KANSL1L: variants seen among roughly 807,000 people sequenced by gnomAD.
The protein encoded by KANSL1L is KAT8 regulatory NSL complex subunit 1 like, also known as KAT8 regulatory NSL complex subunit 1-like protein.
KANSL1L carries 25 observed loss-of-function variants against 108.6 expected under a neutral mutation model. The ratio of observed to expected loss-of-function variants is 0.23; its 90% confidence interval spans 0.17 to 0.32. The LOEUF (loss-of-function observed/expected upper bound fraction) is 0.32. KANSL1L is among the 10% of genes least tolerant of loss of function. The pLI is 1.00. For synonymous variants in KANSL1L, 405 were observed against 395.1 expected (o/e 1.03, Z -0.30); for missense variants, 1,137 against 1,125.7 (o/e 1.01, Z -0.14).
rs538467539 is a variant in KANSL1L at position 210,113,632 on chromosome 2, T to C, written c.1231-9331A>G. On this transcript the variant is annotated intron_variant, in intron 3 of 14. Coordinates refer to ENST00000281772, the MANE Select transcript of KANSL1L (RefSeq NM_152519.4). Reference sequence around the variant, plus strand: ...TGGAAGATCTATTAGACAAAGACTTTAAAACAACTGTCTTAAAGATGCACA... The same window carrying C: ...TGGAAGATCTATTAGACAAAGACTTCAAAACAACTGTCTTAAAGATGCACA... 9.0e-4 allele frequency among the ~76,000 whole-genome samples: 137 copies of C among 152,120 alleles called. 5 individuals are homozygous for C. In the South Asian group the frequency reaches 0.027, roughly 30 times the overall value.
intron 5 of KANSL1L, 153 bp downstream of exon 5, chr2:210,097,933 C>A: frequency 2.3e-6 from 1 of 425,798 alleles, no homozygotes; most frequent in East Asian, 4.3e-5. Context: ...TTAATATTAT[C>A]AAAAAATGCA....
intron 8 of KANSL1L, chr2:210,033,005 G>GA (rs2094041423): frequency 6.6e-6 from 1 of 152,118 alleles, no homozygotes; most frequent in South Asian, 2.1e-4. Flanking sequence ...CTAAGAAACA[G>GA]AATGGACACA....
At chr2:210,081,964 A>C (rs962301084) in intron 5 of KANSL1L, among the ~76,000 whole-genome samples, 8 of 152,196 alleles carry the variant, frequency 5.3e-5, no homozygotes, top group African/African-American at 1.9e-4. Context: ...AGAGAATCTC[A>C]TTCTGTCTCC....
In KANSL1L at chr2:210,031,840, C is replaced by T. The variant is rs563626890; in HGVS notation, c.2030-294G>A. Among the ~76,000 whole-genome samples the T allele has an allele frequency of 3.9e-5, 6 of 152,054 alleles. No homozygotes were observed. The South Asian group carries it at 6.2e-4, about 16-fold the overall frequency. Reference sequence around the variant, plus strand: ...ATTGGCTCAGATATATAAATCTTGGCGATCAGAATCTTTAAGTTCTTGCTT... The same window carrying T: ...ATTGGCTCAGATATATAAATCTTGGTGATCAGAATCTTTAAGTTCTTGCTT... On this transcript the variant is annotated intron_variant, in intron 8 of 14. Coordinates refer to ENST00000281772, the MANE Select transcript of KANSL1L (RefSeq NM_152519.4).
intron 5 of KANSL1L, among the ~76,000 whole-genome samples, chr2:210,095,233 A>G (rs2094725431): frequency 1.3e-5 from 2 of 152,004 alleles, no homozygotes; most frequent in Non-Finnish European, 2.9e-5. Context: ...AATTTCCTCC[A>G]TCTTAAAAAC....
At chr2:210,035,834 ATGTT>A (rs761209185) in intron 8 of KANSL1L, among the ~76,000 whole-genome samples, 3 of 152,156 alleles carry the variant, frequency 2.0e-5, no homozygotes, top group Non-Finnish European at 4.4e-5. Flanking sequence ...GACAAGACAT[ATGTT>A]TGTTTTTGTT....
intron 5 of KANSL1L, among the ~76,000 whole-genome samples, chr2:210,085,582 CA>C (rs1341788657): frequency 6.6e-6 from 1 of 151,944 alleles, no homozygotes; most frequent in Non-Finnish European, 1.5e-5. Flanking sequence ...AACAAAAATA[CA>C]AAAAAACTTG....
intron 2 of KANSL1L, among the ~76,000 whole-genome samples, chr2:210,146,366 G>A (rs1575614108): frequency 6.6e-6 from 1 of 152,086 alleles, no homozygotes; most frequent in South Asian, 2.1e-4. Context: ...TCTCCTACTC[G>A]ACTATCTTGC....
At chr2:210,056,682 T>C (rs1013025365) in intron 6 of KANSL1L, among the ~76,000 whole-genome samples, 42 of 152,150 alleles carry the variant, frequency 2.8e-4, no homozygotes, top group African/African-American at 1.0e-3. Context: ...AGTTTCACCA[T>C]GTTGGCCAGG....
intron 2 of KANSL1L, among the ~76,000 whole-genome samples, chr2:210,133,342 A>G (rs1198670721): frequency 6.6e-6 from 1 of 152,058 alleles, no homozygotes; most frequent in Non-Finnish European, 1.5e-5. Context: ...GCATTATTTT[A>G]TATTTTTCTT....
intron 9 of KANSL1L, among the ~76,000 whole-genome samples, chr2:210,030,220 C>G (rs529150265): frequency 2.0e-5 from 3 of 151,948 alleles, no homozygotes; most frequent in Admixed American, 2.0e-4. Flanking sequence ...CATAGTTGAA[C>G]CACCAGAACT....
intron 8 of KANSL1L, among the ~76,000 whole-genome samples, chr2:210,033,942 T>C (rs2094063322): frequency 6.6e-6 from 1 of 152,214 alleles, no homozygotes; most frequent in African/African-American, 2.4e-5. Context: ...CTTGAAACCG[T>C]AGGAAATGTA....
chr2:210,070,304 C>T (rs1299992604), intron 6 of KANSL1L, among the ~76,000 whole-genome samples: 3 of 134,408 alleles, frequency 2.2e-5, no homozygotes, highest in African/African-American at 8.4e-5. Context: ...GATCTCCGCT[C>T]ACTGCAAGCT....
At chr2:210,122,533 A>G (rs1028207829) in intron 3 of KANSL1L, among the ~76,000 whole-genome samples, 1 of 152,152 alleles carries the variant, frequency 6.6e-6, no homozygotes, top group Non-Finnish European at 1.5e-5. Context: ...AAATCAAAAT[A>G]TATTAAAGAC....
chr2:210,075,509 T>C, intron 6 of KANSL1L, 43 bp downstream of exon 6: 1 of 1,267,496 alleles, frequency 7.9e-7, no homozygotes, highest in Non-Finnish European at 1.2e-6. Flanking sequence ...AATATGCTGA[T>C]GGTGAATCTT....
rs1340105293 is a variant in KANSL1L at position 210,154,455 on chromosome 2, T to G, written c.128A>C (p.Asp43Ala). The G allele has an allele frequency of 6.2e-7, 1 of 1,613,384 alleles. No individual in the cohort carries two copies. Reference protein sequence around the residue: ...PRTVDEKLKGDTFSQMLGFPT... With the variant: ...PRTVDEKLKGATFSQMLGFPT... ...AAATCCAAGCATCTGAGAAAAGGTGTCTCCCTTTAGCTTTTCATCTACAGT... is the reference window on the plus strand; with the variant it reads ...AAATCCAAGCATCTGAGAAAAGGTGGCTCCCTTTAGCTTTTCATCTACAGT... The change falls in exon 2 of 15, where the codon GAC becomes GCC. Residue 43 changes from aspartate to alanine, a missense_variant. By Grantham distance (126) the Asp-to-Ala change is moderately radical. Around this residue, in one of 3 missense-constraint regions of KANSL1L, gnomAD observed 556 missense variants for 537.7 expected, o/e 1.03. Coordinates refer to ENST00000281772, the MANE Select transcript of KANSL1L (RefSeq NM_152519.4).
intron 3 of KANSL1L, among the ~76,000 whole-genome samples, chr2:210,108,535 T>C (rs567337618): frequency 4.7e-4 from 71 of 152,324 alleles, no homozygotes; most frequent in South Asian, 2.1e-3. Context: ...ATAAATCTTA[T>C]TCATCAATGT....
intron 1 of KANSL1L, among the ~76,000 whole-genome samples, chr2:210,159,567 T>C (rs970633379): frequency 6.6e-6 from 1 of 152,240 alleles, no homozygotes; most frequent in Non-Finnish European, 1.5e-5. Flanking sequence ...GTAATTATCA[T>C]GTATTTGTTG....
chr2:210,058,199 G>T (rs1160994275), intron 6 of KANSL1L, among the ~76,000 whole-genome samples: 1 of 152,140 alleles, frequency 6.6e-6, no homozygotes, highest in African/African-American at 2.4e-5. Context: ...GGCCGCTTCA[G>T]GGGGCGGCTG....
Sources: allele counts gnomAD v4.1 joint callset (sites outside exome capture counted in the v4.1 genomes callset), GRCh38; gene constraint gnomAD v4.1.1; regional missense constraint gnomAD v4.1.1; transcripts MANE v1.5; gene names NCBI Gene and HGNC (gene_info 2026-07-23, HGNC 2026-07-21).